MYZAP: variants seen among roughly 807,000 people sequenced by gnomAD.
MYZAP encodes GRINL1A complex locus upstream.
A neutral mutation model predicts 69.4 loss-of-function variants in MYZAP; 66 were observed. The ratio of observed to expected loss-of-function variants is 0.95; its 90% CI spans 0.78 to 1.17. The LOEUF is 1.17. Ranked by LOEUF, MYZAP falls within the 50% of genes most tolerant of loss-of-function variation. The pLI, the probability that MYZAP is intolerant of heterozygous loss-of-function variation, is 0.00. For missense variants in MYZAP, 611 were observed against 556.2 expected (o/e 1.10, Z -0.99); for synonymous variants, 256 against 205.9 (o/e 1.24, Z -2.09).
chr15:57,683,654 A>G (rs868052136), intron 12 of MYZAP, among the ~76,000 whole-genome samples: 1 of 152,148 alleles, frequency 6.6e-6, no homozygotes, highest in South Asian at 2.1e-4. Context: ...TTTTTTTCTC[A>G]CAGTTCTGAA....
chr15:57,633,013 GCTCA>G (rs1173307269), intron 7 of MYZAP, among the ~76,000 whole-genome samples: 1 of 152,154 alleles, frequency 6.6e-6, no homozygotes, highest in African/African-American at 2.4e-5. Flanking sequence ...TCCTTAGGAA[GCTCA>G]CTCACTCTCT....
At chr15:57,623,154 A>G (rs182310511) in intron 4 of MYZAP, among the ~76,000 whole-genome samples, 33 of 152,348 alleles carry the variant, frequency 2.2e-4, no homozygotes, top group African/African-American at 6.0e-4. Context: ...ATTTTTATCT[A>G]TTAGACCCGC....
At chr15:57,640,334 C>T (rs1019270373) in intron 10 of MYZAP, among the ~76,000 whole-genome samples, 6 of 151,962 alleles carry the variant, frequency 3.9e-5, no homozygotes, top group East Asian at 3.9e-4. Context: ...TTAAAAAATC[C>T]GATTGAAAAA....
intron 12 of MYZAP, among the ~76,000 whole-genome samples, chr15:57,680,506 C>G (rs1305539726): frequency 2.0e-5 from 3 of 150,842 alleles, no homozygotes; most frequent in Non-Finnish European, 1.5e-5. Context: ...CACACACACA[C>G]ACACACACAC....
chr15:57,621,205 C>CTTTTTTTTTTTTTTTTTT (rs61201214), intron 3 of MYZAP, among the ~76,000 whole-genome samples: 3 of 127,314 alleles, frequency 2.4e-5, no homozygotes, highest in Admixed American at 8.5e-5. Flanking sequence ...CTTTCTTTTT[C>CTTTTTTTTTTTTTTTTTT]TTTTTTTTTT....
rs527888455 is a variant in MYZAP at position 57,604,520 on chromosome 15, CAG to C, written c.162+170_162+171del. Among the ~76,000 whole-genome samples the C allele has an allele frequency of 2.2e-4, 33 of 152,316 alleles. No individual in the cohort carries two copies. In the South Asian group the frequency reaches 6.2e-3, roughly 29 times the overall value. On this transcript the variant is annotated intron_variant, in intron 2 of 12. Transcript: ENST00000267853. ...CCTCATCTCCCGTCTTCCCAGAAGACAGAGAGCTCTCCCTAGCCGGCTCTGCC... is the reference window on the plus strand; with the variant it reads ...CCTCATCTCCCGTCTTCCCAGAAGACAGAGCTCTCCCTAGCCGGCTCTGCC...
At chr15:57,657,665 G>T (rs1157837316) in intron 10 of MYZAP, among the ~76,000 whole-genome samples, 1 of 152,042 alleles carries the variant, frequency 6.6e-6, no homozygotes, top group Admixed American at 6.6e-5. Flanking sequence ...CATATTAATG[G>T]AAATAACCTT....
intron 1 of MYZAP, among the ~76,000 whole-genome samples, chr15:57,594,816 C>T (rs2033949107): frequency 6.6e-6 from 1 of 152,128 alleles, no homozygotes; most frequent in African/African-American, 2.4e-5. Flanking sequence ...AACGGGATGT[C>T]CTGAAAGTAA....
At chr15:57,630,371 A>G (rs1300996338) in intron 6 of MYZAP, among the ~76,000 whole-genome samples, 3 of 152,190 alleles carry the variant, frequency 2.0e-5, no homozygotes, top group African/African-American at 7.2e-5. Context: ...GTTGTTATGT[A>G]ACTGAGAAGA....
At chr15:57,593,735 C>A (rs1038139530) in intron 1 of MYZAP, among the ~76,000 whole-genome samples, 1 of 152,160 alleles carries the variant, frequency 6.6e-6, no homozygotes, top group African/African-American at 2.4e-5. Flanking sequence ...CGGGATCAGG[C>A]CATTCAGGGC....
At chr15:57,678,068 GAAAT>G (rs1372149290) in intron 12 of MYZAP, among the ~76,000 whole-genome samples, 1 of 135,168 alleles carries the variant, frequency 7.4e-6, no homozygotes, top group Non-Finnish European at 1.6e-5. Context: ...AAAAAGAAAA[GAAAT>G]AAAAAATAGG....
chr15:57,633,418 G>T (rs1329855306), intron 7 of MYZAP, among the ~76,000 whole-genome samples, 195 bp from the exon 8 acceptor site: 1 of 152,124 alleles, frequency 6.6e-6, no homozygotes, highest in Non-Finnish European at 1.5e-5. Context: ...CCATTAACCA[G>T]CCACATGATG....
intron 11 of MYZAP, among the ~76,000 whole-genome samples, chr15:57,673,594 G>A (rs1194691541): frequency 6.6e-6 from 1 of 151,474 alleles, no homozygotes; most frequent in Non-Finnish European, 1.5e-5. Flanking sequence ...ATCTGTCATA[G>A]CATGTCATCT....
At chr15:57,638,209 A>G (rs1306274241) in intron 9 of MYZAP, among the ~76,000 whole-genome samples, 1 of 152,220 alleles carries the variant, frequency 6.6e-6, no homozygotes, top group Non-Finnish European at 1.5e-5. Flanking sequence ...AAAGCCCTAC[A>G]TGAAAAACAC....
At chr15:57,672,374 GCCA>G (rs1250272389) in intron 11 of MYZAP, among the ~76,000 whole-genome samples, 1 of 152,174 alleles carries the variant, frequency 6.6e-6, no homozygotes, top group Non-Finnish European at 1.5e-5. Flanking sequence ...AGAACTGCTT[GCCA>G]CATGCTTCAA....
In MYZAP at chr15:57,625,831, C is replaced by G. The variant is rs769313083; in HGVS notation, c.464C>G (p.Ser155Cys). The G allele has an allele frequency of 6.2e-7, 1 of 1,614,192 alleles. No homozygotes were observed. The highest frequency in any genetic ancestry group is 8.5e-7 in the Non-Finnish European group (1 of 1,180,044). ...GAGAATCACATCCAAACCCAGTCGT[C>G]TGCCCTGGATCGTTTTAATGCCATG... The part of the protein sequence containing the change: ...YLENHIQTQS[S>C]ALDRFNAMNS... The change falls in exon 5 of 13, where the codon TCT becomes TGT. Residue 155 changes from serine to cysteine, a missense_variant. Transcript: ENST00000267853.
intron 10 of MYZAP, chr15:57,647,736 C>A: frequency 1.0e-6 from 1 of 985,432 alleles, no homozygotes; most frequent in Non-Finnish European, 1.2e-6. Flanking sequence ...ACCTCCTGCA[C>A]TTGGCCCTGG....
intron 7 of MYZAP, among the ~76,000 whole-genome samples, 159 bp downstream of exon 7, chr15:57,632,718 C>T (rs897398324): frequency 6.6e-6 from 1 of 152,162 alleles, no homozygotes; most frequent in African/African-American, 2.4e-5. Flanking sequence ...TCACTCCCCT[C>T]CCCTCTTCCC....
intron 4 of MYZAP, among the ~76,000 whole-genome samples, chr15:57,623,936 G>A (rs2035972675): frequency 6.6e-6 from 1 of 152,068 alleles, no homozygotes; most frequent in African/African-American, 2.4e-5. Flanking sequence ...AGGAAGAGAA[G>A]ATAAACATAT....
Sources: allele counts gnomAD v4.1 joint callset (sites outside exome capture counted in the v4.1 genomes callset), GRCh38; gene constraint gnomAD v4.1.1; transcripts MANE v1.5; gene names NCBI Gene and HGNC (gene_info 2026-07-23, HGNC 2026-07-21).